NKD1: variants seen among roughly 807,000 people sequenced by gnomAD.
The protein encoded by NKD1 is NKD inhibitor of Wnt signaling pathway 1.
NKD1 carries 21 observed loss-of-function variants against 56.0 expected under a neutral mutation model. The ratio of observed to expected loss-of-function variants is 0.38; its 90% CI spans 0.27 to 0.54. The LOEUF (loss-of-function observed/expected upper bound fraction) is 0.54, where lower values mean the gene tolerates loss of function less well. Ranked by LOEUF, NKD1 falls within the 20% of genes least tolerant of loss-of-function variation. The pLI, the probability that NKD1 is intolerant of heterozygous loss-of-function variation, is 0.82. For synonymous variants in NKD1, 263 were observed against 265.7 expected (o/e 0.99, Z 0.10); for missense variants, 578 against 642.7 (o/e 0.90, Z 1.09).
intron 4 of NKD1, 156 bp downstream of exon 4, chr16:50,608,516 G>A: frequency 3.0e-6 from 2 of 675,408 alleles, no homozygotes; most frequent in Non-Finnish European, 2.7e-6. Flanking sequence ...GGGTGGGATG[G>A]AGGAGAGGAG....
intron 5 of NKD1, among the ~76,000 whole-genome samples, chr16:50,622,913 C>T (rs1347473585): frequency 1.3e-5 from 2 of 151,990 alleles, no homozygotes; most frequent in Non-Finnish European, 2.9e-5. Context: ...GGGGTCAGGC[C>T]GAGGGGTGTG....
chr16:50,605,625 C>T (rs1961690237), intron 3 of NKD1, among the ~76,000 whole-genome samples: 1 of 152,196 alleles, frequency 6.6e-6, no homozygotes, highest in Non-Finnish European at 1.5e-5. Context: ...ATAGCATTTA[C>T]ACTGTGTTAG....
chr16:50,625,652 C>T (rs773046657), intron 6 of NKD1, 72 bp downstream of exon 6: 40 of 922,612 alleles, frequency 4.3e-5, no homozygotes, highest in Non-Finnish European at 6.5e-5. Context: ...AGCACCCTGC[C>T]ACTGCCACTT....
intron 3 of NKD1, chr16:50,573,924 G>C (rs979251006): frequency 6.1e-6 from 6 of 985,340 alleles, no homozygotes; most frequent in Non-Finnish European, 7.2e-6. Context: ...TATATGTCTG[G>C]GGTGCAGCCC....
chr16:50,603,769 T>C (rs1218913801), intron 3 of NKD1, among the ~76,000 whole-genome samples: 1 of 152,198 alleles, frequency 6.6e-6, no homozygotes, highest in Admixed American at 6.5e-5. Context: ...TTATAAGGTA[T>C]CGTGCCTGGA....
At chr16:50,622,455 G>C (rs544799341) in intron 5 of NKD1, among the ~76,000 whole-genome samples, 2 of 152,202 alleles carry the variant, frequency 1.3e-5, no homozygotes, top group South Asian at 2.1e-4. Flanking sequence ...CTGCTGCATG[G>C]AGCTTCCCCA....
chr16:50,632,151 C>T lies in NKD1; in HGVS notation c.696-130C>T. On this transcript the variant is annotated intron_variant, in intron 8 of 9. Transcript: ENST00000268459. This position sits in a 1 kb window ranked among gnomAD's most constrained non-coding sequence, Gnocchi z 4.1. ...TCGTATAGAGGACTGTTCCTCCCCA[C>T]CCTCTCCAAAGGCCAAGAAGGAAAT... 1.2e-6 allele frequency: 1 copy of T among 833,026 alleles called. No homozygotes were observed. The highest frequency in any genetic ancestry group is 1.9e-6 in the Non-Finnish European group (1 of 529,182). The allele number at this position is 833,026 out of a possible 1,614,324, so 51.6% of individuals were successfully genotyped here.
Position 50,634,913 on chromosome 16 carries a change from G to A in NKD1, c.*1132G>A, listed in dbSNP as rs904322322. 2.0e-5 allele frequency: 3 copies of A among 152,288 alleles called. No individual in the cohort carries two copies. The highest frequency in any genetic ancestry group is 7.2e-5 in the African/African-American group (3 of 41,416). The allele number at this position is 152,288 out of a possible 1,614,324, so 9.4% of individuals were successfully genotyped here. ...GGGGTACAGAAACTTGGTGGGAAAAGGGGACTGTGGCCAGAGTTGGGACCC... is the reference window on the plus strand; with the variant it reads ...GGGGTACAGAAACTTGGTGGGAAAAAGGGACTGTGGCCAGAGTTGGGACCC... On this transcript the variant is annotated 3_prime_UTR_variant, in exon 10 of 10. Transcript: ENST00000268459.
chr16:50,599,004 T>C (rs1368822133), intron 3 of NKD1, among the ~76,000 whole-genome samples: 1 of 151,520 alleles, frequency 6.6e-6, no homozygotes, highest in African/African-American at 2.4e-5. Flanking sequence ...GGGAAGGCCG[T>C]GTGTGTGTGG....
chr16:50,628,518 A>G (rs956532324), intron 6 of NKD1, among the ~76,000 whole-genome samples: 4 of 152,226 alleles, frequency 2.6e-5, no homozygotes, highest in African/African-American at 9.6e-5. Flanking sequence ...AATGCCATTT[A>G]AAGCAGGACA....
In NKD1 at chr16:50,572,895, G is replaced by A. The variant is rs1465932075; in HGVS notation, c.192+23340G>A. On this transcript the variant is annotated intron_variant, in intron 3 of 9. Coordinates refer to ENST00000268459, the MANE Select transcript of NKD1 (RefSeq NM_033119.5). ...CAACAGGATCATGAGGTCGGAAGGG[G>A]TGCTGACCTGCCCCGTGCAGAAGAG... is the stretch of plus-strand genomic sequence containing the variant. 5 of 983,832 alleles carry A rather than the reference G, an allele frequency of 5.1e-6. No homozygotes were observed. The East Asian group carries it at 5.7e-4, about 112-fold the overall frequency. 60.9% of individuals were successfully genotyped at this position (983,832 alleles called of 1,614,324 possible).
chr16:50,625,391 C>T (rs1962186265), intron 5 of NKD1, 94 bp from the exon 6 acceptor site: 5 of 859,442 alleles, frequency 5.8e-6, no homozygotes, highest in African/African-American at 1.6e-5. Context: ...GACAGGTGGC[C>T]GCCCCTTGGC....
intron 4 of NKD1, among the ~76,000 whole-genome samples, chr16:50,609,807 A>G (rs778511543): frequency 3.3e-5 from 5 of 152,232 alleles, no homozygotes; most frequent in Non-Finnish European, 5.9e-5. Context: ...AAATGTAAGC[A>G]GGCCCCAGAT....
At chr16:50,559,076 C>G (rs1960567115) in intron 3 of NKD1, among the ~76,000 whole-genome samples, 1 of 152,246 alleles carries the variant, frequency 6.6e-6, no homozygotes, top group South Asian at 2.1e-4. Context: ...GCTCGGTGGC[C>G]TTGGGCCAAG....
rs1253551388 is a variant in NKD1 at position 50,634,052 on chromosome 16, G to A, written c.*271G>A. On this transcript the variant is annotated 3_prime_UTR_variant, in exon 10 of 10. Transcript: ENST00000268459. ...ATGGGCAGAGGCTCCCTCGGGGCTC[G>A]GGATCTGCAGCATCTATGTGGATCA... The A allele has an allele frequency of 9.4e-6, 3 of 318,386 alleles. No homozygotes were observed. Among genetic ancestry groups the A allele is most frequent in the Non-Finnish European group, 1.7e-5 (3 of 176,502 alleles). 19.7% of individuals were successfully genotyped at this position (318,386 alleles called of 1,614,324 possible).
intron 5 of NKD1, among the ~76,000 whole-genome samples, chr16:50,624,195 G>A (rs1962158810): frequency 6.6e-6 from 1 of 152,110 alleles, no homozygotes; most frequent in Non-Finnish European, 1.5e-5. Flanking sequence ...GAACAGAATG[G>A]TCTTGTTTCC....
chr16:50,582,020 A>G (rs1181291048), intron 3 of NKD1, among the ~76,000 whole-genome samples: 2 of 152,066 alleles, frequency 1.3e-5, no homozygotes, highest in Non-Finnish European at 2.9e-5. Flanking sequence ...AGCTGTGTGT[A>G]GTTCTTGCCC....
intron 2 of NKD1, 43 bp from the exon 3 acceptor site, chr16:50,549,379 A>G: frequency 6.3e-7 from 1 of 1,591,508 alleles, no homozygotes; most frequent in Non-Finnish European, 8.6e-7. Context: ...AACTTTTGGC[A>G]CCTGGAGCCA....
chr16:50,578,130 T>C (rs1044506308), intron 3 of NKD1, among the ~76,000 whole-genome samples: 18 of 152,208 alleles, frequency 1.2e-4, no homozygotes, highest in African/African-American at 4.3e-4. Context: ...GCTCCTTCCA[T>C]GTTGTGGCTT....
Sources: allele counts gnomAD v4.1 joint callset (sites outside exome capture counted in the v4.1 genomes callset), GRCh38; gene constraint gnomAD v4.1.1; non-coding constraint Gnocchi (gnomAD v3.1); transcripts MANE v1.5; gene names NCBI Gene and HGNC (gene_info 2026-07-23, HGNC 2026-07-21).